Variants in PTPRD observed in about 807,000 individuals in gnomAD.
The protein encoded by PTPRD is protein tyrosine phosphatase receptor type D.
In PTPRD, 34 loss-of-function variants were observed where a neutral mutation model predicts 214.5. The ratio of observed to expected loss-of-function variants is 0.16; its 90% CI spans 0.12 to 0.21. The LOEUF (loss-of-function observed/expected upper bound fraction) is 0.21. Ranked by LOEUF, PTPRD falls within the 10% of genes least tolerant of loss-of-function variation. The probability of loss-of-function intolerance (pLI) is 1.00; values close to 1 mark genes in which losing one functional copy is unlikely to be tolerated. For missense variants in PTPRD, 2,545 were observed against 2,398.7 expected (o/e 1.06, Z -1.27); for synonymous variants, 1,128 against 845.7 (o/e 1.33, Z -5.79).
intron 7 of PTPRD, among the ~76,000 whole-genome samples, chr9:9,702,154 G>A (rs2097519006): frequency 6.6e-6 from 1 of 151,830 alleles, no homozygotes; most frequent in South Asian, 2.1e-4. Context: ...AAGAAAGAGA[G>A]GAAACTAAAG....
intron 8 of PTPRD, among the ~76,000 whole-genome samples, chr9:9,486,855 T>G (rs764310138): frequency 3.3e-5 from 5 of 152,128 alleles, no homozygotes; most frequent in Non-Finnish European, 5.9e-5. Flanking sequence ...ATTCAAAATT[T>G]TACTCTCCAC....
chr9:9,355,573 G>C (rs1331658333), intron 9 of PTPRD, among the ~76,000 whole-genome samples: 3 of 151,526 alleles, frequency 2.0e-5, no homozygotes, highest in Admixed American at 1.3e-4. Flanking sequence ...CAGGGACTTA[G>C]TTTTTGGACA....
intron 8 of PTPRD, among the ~76,000 whole-genome samples, chr9:9,482,205 A>G (rs541247390): frequency 1.8e-4 from 28 of 152,204 alleles, no homozygotes; most frequent in African/African-American, 6.5e-4. Context: ...CAAAATTTTA[A>G]TAAGATCTCC....
intron 7 of PTPRD, among the ~76,000 whole-genome samples, chr9:9,654,234 C>A (rs995599712): frequency 6.6e-6 from 1 of 151,994 alleles, no homozygotes; most frequent in Non-Finnish European, 1.5e-5. Flanking sequence ...ATCTTAATAT[C>A]TTTAGTAAGA....
chr9:10,526,206 G>A (rs530067623), intron 2 of PTPRD, among the ~76,000 whole-genome samples: 1 of 152,130 alleles, frequency 6.6e-6, no homozygotes, highest in African/African-American at 2.4e-5. Context: ...ATAAAATAGC[G>A]CATTTCATTC....
Position 9,303,047 on chromosome 9 carries a change from C to A in PTPRD, c.-203+94402G>T, listed in dbSNP as rs1191506292. Among the ~76,000 whole-genome samples, 6 of 151,934 alleles carry A rather than the reference C, an allele frequency of 3.9e-5. No individual in the cohort carries two copies. The South Asian group carries it at 1.0e-3, about 26-fold the overall frequency. On this transcript the variant is annotated intron_variant, in intron 9 of 45. Transcript: ENST00000381196. ...TATTCATTGGCTTCATAAGAGAAGA[C>A]CTTTTCTTTTCTATTTTTTAAATCT...
intron 6 of PTPRD, among the ~76,000 whole-genome samples, chr9:9,735,666 T>C (rs981921302): frequency 6.6e-6 from 1 of 152,084 alleles, no homozygotes; most frequent in Non-Finnish European, 1.5e-5. Flanking sequence ...AGATCAATGC[T>C]TCACTTTTGA....
At position 8,475,439 on chromosome 9, in the gene PTPRD, C is replaced by A. The variant is rs375132983; in HGVS notation, c.3414-4354G>T. Among the ~76,000 whole-genome samples, 42 of 152,232 alleles carry A rather than the reference C, an allele frequency of 2.8e-4. No homozygotes were observed. In the South Asian group the frequency reaches 8.1e-3, roughly 29 times the overall value. ...ATGGTGACACTCCTCAAGGCTCTGG[C>A]CAAGAACTTCTATCCAGACCCTATT... is the stretch of plus-strand genomic sequence containing the variant. On this transcript the variant is annotated intron_variant, in intron 30 of 45. Coordinates refer to ENST00000381196, the MANE Select transcript of PTPRD (RefSeq NM_002839.4).
At chr9:8,645,858 T>G (rs990463926) in intron 12 of PTPRD, among the ~76,000 whole-genome samples, 55 of 152,098 alleles carry the variant, frequency 3.6e-4, no homozygotes, top group Non-Finnish European at 7.6e-4. Context: ...AGTGTTCATT[T>G]CTGTTTTTGG....
intron 9 of PTPRD, among the ~76,000 whole-genome samples, chr9:9,360,085 T>C (rs1289255971): frequency 6.6e-6 from 1 of 151,184 alleles, no homozygotes; most frequent in Non-Finnish European, 1.5e-5. Context: ...ATAACAAAAA[T>C]GATGTTTTCA....
At chr9:8,594,538 C>A (rs1594806621) in intron 14 of PTPRD, among the ~76,000 whole-genome samples, 1 of 152,202 alleles carries the variant, frequency 6.6e-6, no homozygotes, top group African/African-American at 2.4e-5. Flanking sequence ...GAATTGTAAT[C>A]CCCACATGTC....
At chr9:9,888,983 C>T (rs573957119) in intron 5 of PTPRD, among the ~76,000 whole-genome samples, 1 of 151,986 alleles carries the variant, frequency 6.6e-6, no homozygotes, top group Non-Finnish European at 1.5e-5. Flanking sequence ...TACAGAAGTT[C>T]TAGGACATTA....
intron 44 of PTPRD, among the ~76,000 whole-genome samples, chr9:8,327,523 G>C (rs1207992541): frequency 1.3e-5 from 2 of 152,178 alleles, no homozygotes; most frequent in African/African-American, 2.4e-5. Flanking sequence ...GATTTGGGTG[G>C]AGAGTTCTGT....
chr9:9,014,201 T>G (rs80308251), intron 11 of PTPRD, among the ~76,000 whole-genome samples: 73,215 of 132,546 alleles, frequency 0.55, 18,309 homozygotes, highest in East Asian at 0.7. Flanking sequence ...GTTTGTTTGT[T>G]TTTTTTTTTT....
intron 7 of PTPRD, among the ~76,000 whole-genome samples, chr9:9,633,299 C>G (rs10977902): frequency 0.18 from 26,906 of 150,532 alleles, 2,721 homozygotes; most frequent in African/African-American, 0.28. Flanking sequence ...GAGACTCCAT[C>G]TCAGGGAAAA....
rs149791027 is a variant in PTPRD, at chr9:9,175,836, T to A, written c.-143+7468A>T. ...CATCATTGAGTATTTGGAAAATGGG[T>A]CATCGACTAGCAAAAACTCATATTA... On this transcript the variant is annotated intron_variant, in intron 10 of 45. Transcript: ENST00000381196. Among the ~76,000 whole-genome samples, 435 of 152,024 alleles carry A rather than the reference T, an allele frequency of 2.9e-3. 4 individuals are homozygous for A. The highest frequency in any genetic ancestry group is 9.5e-3 in the African/African-American group (396 of 41,470).
At chr9:9,192,961 G>A (rs1445210) in intron 9 of PTPRD, among the ~76,000 whole-genome samples, 1 of 151,806 alleles carries the variant, frequency 6.6e-6, no homozygotes, top group Admixed American at 6.6e-5. Flanking sequence ...TTGCATTTTA[G>A]GTTATTTGAA....
At chr9:10,002,587 C>G (rs2096353670) in intron 4 of PTPRD, among the ~76,000 whole-genome samples, 1 of 149,474 alleles carries the variant, frequency 6.7e-6, no homozygotes, top group Middle Eastern at 3.4e-3. Flanking sequence ...TTTACTAGCA[C>G]AAAAGAAGAA....
At chr9:10,244,330 C>A (rs2091699017) in intron 3 of PTPRD, among the ~76,000 whole-genome samples, 1 of 152,200 alleles carries the variant, frequency 6.6e-6, no homozygotes, top group Admixed American at 6.6e-5. Context: ...TTGATTTATG[C>A]AGTCTGCCTC....
Sources: gnomAD v4.1 joint callset for allele counts (sites outside exome capture counted in the v4.1 genomes callset) on GRCh38, gnomAD v4.1.1 for gene constraint, MANE v1.5 for transcripts, NCBI Gene and HGNC (gene_info 2026-07-23, HGNC 2026-07-21) for gene names.